Variants in RGS6 observed in about 807,000 individuals in gnomAD.
RGS6 encodes regulator of G protein signaling 6, also known as regulator of G-protein signaling 6.
In RGS6, 30 loss-of-function variants were observed where a neutral mutation model predicts 78.5. That is an observed-to-expected ratio of 0.38 (90% confidence interval 0.29 to 0.52). The LOEUF is 0.52. Ranked by LOEUF, RGS6 falls within the 20% of genes least tolerant of loss-of-function variation. The pLI is 0.85. For synonymous variants in RGS6, 206 were observed against 206.0 expected (o/e 1.00, Z 0.00); for missense variants, 495 against 609.7 (o/e 0.81, Z 1.98).
chr14:72,289,487 A>G (rs964024045), intron 2 of RGS6, among the ~76,000 whole-genome samples: 1 of 152,182 alleles, frequency 6.6e-6, no homozygotes, highest in Non-Finnish European at 1.5e-5. Flanking sequence ...CTTCCTGAGC[A>G]ACACAGCTAA....
chr14:71,988,897 T>C (rs2094836613), intron 2 of RGS6, among the ~76,000 whole-genome samples: 1 of 152,210 alleles, frequency 6.6e-6, no homozygotes, highest in Admixed American at 6.5e-5. Context: ...ACCCCTCAAA[T>C]AATATGTTTC....
At chr14:72,210,197 G>A (rs764911212) in intron 2 of RGS6, among the ~76,000 whole-genome samples, 1 of 152,192 alleles carries the variant, frequency 6.6e-6, no homozygotes, top group African/African-American at 2.4e-5. Context: ...GGATTAATCC[G>A]TTAGAGCCAC....
In RGS6 at chr14:72,228,882, C is replaced by T. The variant is rs191659227; in HGVS notation, c.85-123213C>T. Among the ~76,000 whole-genome samples, 13 of 152,308 alleles carry T rather than the reference C, an allele frequency of 8.5e-5. No homozygotes were observed. The East Asian group carries it at 1.5e-3, about 18-fold the overall frequency. ...CCAGCTGACCAAGATGGTAAAACTC[C>T]GTCTCTACTAAAAATATAAAAATTT... On this transcript the variant is annotated intron_variant, in intron 2 of 17. Transcript: ENST00000553525.
intron 2 of RGS6, among the ~76,000 whole-genome samples, chr14:72,322,580 G>C (rs555666093): frequency 6.6e-6 from 1 of 152,092 alleles, no homozygotes; most frequent in South Asian, 2.1e-4. Flanking sequence ...CTGATAAATA[G>C]AGCACACAAA....
At chr14:72,098,360 G>A (rs1052139524) in intron 2 of RGS6, among the ~76,000 whole-genome samples, 8 of 152,210 alleles carry the variant, frequency 5.3e-5, no homozygotes, top group Admixed American at 3.9e-4. Flanking sequence ...CCCTGAAAGG[G>A]GTGAAGTCGT....
intron 2 of RGS6, among the ~76,000 whole-genome samples, chr14:72,217,062 A>G (rs2045753221): frequency 6.6e-6 from 1 of 152,204 alleles, no homozygotes; most frequent in African/African-American, 2.4e-5. Context: ...GGAAAAGGAC[A>G]AAGTTGTTGG....
intron 2 of RGS6, among the ~76,000 whole-genome samples, chr14:72,210,314 C>T (rs546742109): frequency 6.6e-6 from 1 of 152,158 alleles, no homozygotes; most frequent in Non-Finnish European, 1.5e-5. Context: ...GAGAGGTGAG[C>T]TTCCAGGGGC....
chr14:71,940,540 A>G (rs1246729355), intron 1 of RGS6, among the ~76,000 whole-genome samples: 1 of 152,200 alleles, frequency 6.6e-6, no homozygotes, highest in African/African-American at 2.4e-5. Context: ...TAATTAGCCA[A>G]TGCCAGAGCT....
chr14:72,037,402 A>G (rs1232536435), intron 2 of RGS6, among the ~76,000 whole-genome samples: 2 of 152,170 alleles, frequency 1.3e-5, no homozygotes, highest in Non-Finnish European at 2.9e-5. Flanking sequence ...CATTCTTGAA[A>G]TCAGCGAGGC....
chr14:72,272,594 A>G (rs1300600709), intron 2 of RGS6, among the ~76,000 whole-genome samples: 1 of 152,210 alleles, frequency 6.6e-6, no homozygotes, highest in Non-Finnish European at 1.5e-5. Flanking sequence ...GAAATAAGAT[A>G]CAGAATGTTG....
chr14:72,134,719 C>T (rs1300974524), intron 2 of RGS6, among the ~76,000 whole-genome samples: 2 of 152,226 alleles, frequency 1.3e-5, no homozygotes, highest in African/African-American at 2.4e-5. Flanking sequence ...GGTGGTTTAA[C>T]TCAGTCTGAA....
the RGS6 span, among the ~76,000 whole-genome samples, chr14:72,603,947 T>C: frequency 0.41 from 62,902 of 151,990 alleles, 14,332 homozygotes; most frequent in East Asian, 0.76. Context: ...GACAGAAGTT[T>C]AAGGAGTTAT....
chr14:72,479,443 C>T (rs558050499), intron 12 of RGS6, among the ~76,000 whole-genome samples: 15 of 152,184 alleles, frequency 9.9e-5, no homozygotes, highest in Non-Finnish European at 1.6e-4. Flanking sequence ...CCTGACCTCT[C>T]CCCATTAGAG....
chr14:72,366,773 C>T (rs969557377), intron 3 of RGS6, among the ~76,000 whole-genome samples: 24 of 152,188 alleles, frequency 1.6e-4, no homozygotes, highest in Non-Finnish European at 2.9e-5. Flanking sequence ...AGCGTGCCAG[C>T]TCTATCCACG....
chr14:72,153,052 G>C (rs1364968103), intron 2 of RGS6, among the ~76,000 whole-genome samples: 2 of 152,148 alleles, frequency 1.3e-5, no homozygotes, highest in Non-Finnish European at 2.9e-5. Flanking sequence ...CCCTCCCCCA[G>C]TGTGCAGGCC....
At chr14:72,166,130 AC>A (rs1567358295) in intron 2 of RGS6, among the ~76,000 whole-genome samples, 33,806 of 137,846 alleles carry the variant, frequency 0.25, 4,134 homozygotes, top group East Asian at 0.37. Flanking sequence ...ACACACACAC[AC>A]ACACACAGAC....
At chr14:72,444,593 C>T (rs2095310844) in intron 3 of RGS6, among the ~76,000 whole-genome samples, 1 of 152,222 alleles carries the variant, frequency 6.6e-6, no homozygotes, top group African/African-American at 2.4e-5. Flanking sequence ...GTGGGATCTA[C>T]TCCCAGATCA....
chr14:72,522,462 A>G (rs1465946964), intron 15 of RGS6, among the ~76,000 whole-genome samples: 1 of 152,242 alleles, frequency 6.6e-6, no homozygotes, highest in Non-Finnish European at 1.5e-5. Flanking sequence ...AACAGGGGTC[A>G]GTTAAAAAAC....
intron 2 of RGS6, among the ~76,000 whole-genome samples, chr14:72,194,086 A>G (rs2153724197): frequency 6.6e-6 from 1 of 152,226 alleles, no homozygotes; most frequent in East Asian, 1.9e-4. Flanking sequence ...GAATAATCCA[A>G]GTAAAAGATG....
Sources: gnomAD v4.1 joint callset for allele counts (sites outside exome capture counted in the v4.1 genomes callset) on GRCh38, gnomAD v4.1.1 for gene constraint, MANE v1.5 for transcripts, NCBI Gene and HGNC (gene_info 2026-07-23, HGNC 2026-07-21) for gene names.